LRRC72: variants seen among roughly 807,000 people sequenced by gnomAD.
LRRC72 encodes leucine rich repeat containing 72.
In LRRC72, 41 loss-of-function variants were observed where a neutral mutation model predicts 35.8. That is an observed-to-expected ratio of 1.15 (90% confidence interval 0.89 to 1.49). LRRC72 has a LOEUF of 1.49. Among genes scored for constraint, LRRC72 ranks in the 40% most tolerant of loss-of-function variants. The pLI, the probability that LRRC72 is intolerant of heterozygous loss-of-function variation, is 0.00. For synonymous variants in LRRC72, 118 were observed against 119.2 expected (o/e 0.99, Z 0.07); for missense variants, 389 against 330.7 (o/e 1.18, Z -1.37).
chr7:16,572,631 T>C (rs941730872), intron 7 of LRRC72, among the ~76,000 whole-genome samples: 10 of 152,114 alleles, frequency 6.6e-5, no homozygotes, highest in African/African-American at 2.4e-4. Flanking sequence ...CTCAATAAAC[T>C]AGGTATTGAA....
chr7:16,562,880 G>A (rs1400326664), intron 5 of LRRC72, among the ~76,000 whole-genome samples: 1 of 152,180 alleles, frequency 6.6e-6, no homozygotes, highest in Non-Finnish European at 1.5e-5. Flanking sequence ...TCGATCCTCT[G>A]CTTTATCGTA....
intron 2 of LRRC72, among the ~76,000 whole-genome samples, chr7:16,533,972 A>T (rs1782210786): frequency 6.6e-6 from 1 of 152,184 alleles, no homozygotes; most frequent in South Asian, 2.1e-4. Context: ...GAGTAGCTTT[A>T]AAATACTAGA....
At chr7:16,546,200 T>C (rs1021903797) in intron 3 of LRRC72, among the ~76,000 whole-genome samples, 2 of 152,222 alleles carry the variant, frequency 1.3e-5, no homozygotes, top group African/African-American at 4.8e-5. Context: ...ATTTCAGTAC[T>C]AAACATACAA....
In LRRC72 at chr7:16,566,397, G is replaced by C. The variant is rs535134984; in HGVS notation, c.512G>C (p.Arg171Pro). 6.5e-7 allele frequency: 1 copy of C among 1,540,212 alleles called. No individual in the cohort carries two copies. The highest frequency in any genetic ancestry group is 1.4e-5 in the African/African-American group (1 of 72,618). Residue 171 changes from arginine to proline, a missense_variant, in exon 6 of 9, where the codon CGA (arginine) becomes CCA (proline). By Grantham distance (103) the Arg-to-Pro change is moderately radical (BLOSUM62 -2). Transcript: ENST00000401542. ...CTTCCAGGAGTGGAGCTGCTTGACC[G>C]AAATCGTAAGGACCCTTCCTTCTTG... ...YHLPGVELLD[R>P]NQVTEKERRS...
chr7:16,565,969 A>G (rs1001580046), intron 5 of LRRC72, among the ~76,000 whole-genome samples: 18 of 152,234 alleles, frequency 1.2e-4, no homozygotes, highest in African/African-American at 3.1e-4. Flanking sequence ...CAAGACTCCA[A>G]TAGAGCTGAT....
chr7:16,567,867 T>C (rs1782876949), intron 7 of LRRC72, among the ~76,000 whole-genome samples: 2 of 152,110 alleles, frequency 1.3e-5, no homozygotes, highest in Non-Finnish European at 2.9e-5. Context: ...TTATTACCAC[T>C]AACATGGATG....
At chr7:16,556,807 C>T (rs527463352) in intron 3 of LRRC72, among the ~76,000 whole-genome samples, 13 of 152,306 alleles carry the variant, frequency 8.5e-5, no homozygotes, top group Admixed American at 8.5e-4. Flanking sequence ...CAAGTGAAAA[C>T]GTACTGCGGC....
chr7:16,533,876 G>A (rs918307766), intron 2 of LRRC72, among the ~76,000 whole-genome samples: 1 of 152,134 alleles, frequency 6.6e-6, no homozygotes, highest in Non-Finnish European at 1.5e-5. Context: ...TAAAATAACA[G>A]TAAATATTTC....
intron 7 of LRRC72, among the ~76,000 whole-genome samples, chr7:16,572,832 G>A (rs918974678): frequency 6.6e-6 from 1 of 152,090 alleles, no homozygotes; most frequent in African/African-American, 2.4e-5. Flanking sequence ...GAAATAAAAT[G>A]TATTCAAATA....
At chr7:16,529,272 G>A (rs1309946515) in intron 1 of LRRC72, among the ~76,000 whole-genome samples, 1 of 152,084 alleles carries the variant, frequency 6.6e-6, no homozygotes, top group Non-Finnish European at 1.5e-5. Flanking sequence ...TCTGTTTTGT[G>A]CGCTTACTCT....
Position 16,581,435 on chromosome 7 carries a change from C to G in LRRC72, c.810C>G (p.Tyr270Ter). Residue 270 changes from tyrosine to a stop codon, truncating the protein, a stop_gained, in exon 9 of 9, where the codon TAC becomes TAG. Coordinates refer to ENST00000401542, the MANE Select transcript of LRRC72 (RefSeq NM_001195280.2). LOFTEE classifies it high-confidence loss of function. The part of the protein sequence containing the change: ...WDTVPTREER[Y>*]LEEEGTETAQ... The stretch of plus-strand genomic sequence containing the variant: ...CAGTTCCAACACGAGAGGAAAGGTA[C>G]CTTGAAGAGGAAGGCACAGAAACAG... The G allele has an allele frequency of 6.5e-7, 1 of 1,550,064 alleles. No individual in the cohort carries two copies. Among genetic ancestry groups the G allele is most frequent in the South Asian group, 1.2e-5 (1 of 83,840 alleles).
chr7:16,577,608 C>T (rs751131387), intron 7 of LRRC72, among the ~76,000 whole-genome samples: 1 of 152,004 alleles, frequency 6.6e-6, no homozygotes, highest in Non-Finnish European at 1.5e-5. Context: ...AAATAAAAAG[C>T]ATCATATAGG....
chr7:16,571,060 A>T (rs1782935491), intron 7 of LRRC72, among the ~76,000 whole-genome samples: 1 of 151,942 alleles, frequency 6.6e-6, no homozygotes, highest in Non-Finnish European at 1.5e-5. Context: ...TACTTCCTTA[A>T]GGTGTCATTC....
intron 5 of LRRC72, among the ~76,000 whole-genome samples, chr7:16,565,958 T>G (rs1782831049): frequency 6.6e-6 from 1 of 152,220 alleles, no homozygotes; most frequent in South Asian, 2.1e-4. Context: ...AAAAGTAGCC[T>G]CAAGACTCCA....
At chr7:16,535,664 A>G (rs183460064) in intron 2 of LRRC72, among the ~76,000 whole-genome samples, 8 of 152,314 alleles carry the variant, frequency 5.3e-5, no homozygotes, top group Non-Finnish European at 8.8e-5. Context: ...CCTCTTAACC[A>G]AATGACTGAA....
intron 3 of LRRC72, among the ~76,000 whole-genome samples, chr7:16,554,677 A>G (rs1038374038): frequency 6.6e-6 from 1 of 152,078 alleles, no homozygotes. Context: ...GGTCCTCATG[A>G]TTTGGCTTTG....
intron 2 of LRRC72, among the ~76,000 whole-genome samples, chr7:16,535,323 A>C (rs547355329): frequency 1.3e-5 from 2 of 152,338 alleles, no homozygotes; most frequent in South Asian, 4.1e-4. Context: ...AGAATTTGAT[A>C]ATTGTTTTAA....
chr7:16,580,958 GA>G (rs528703646), intron 8 of LRRC72, among the ~76,000 whole-genome samples: 28 of 151,898 alleles, frequency 1.8e-4, no homozygotes, highest in Admixed American at 9.2e-4. Context: ...GCATAATGTA[GA>G]AAAAAACTTA....
chr7:16,560,790 G>T (rs936612282), intron 5 of LRRC72, among the ~76,000 whole-genome samples: 3 of 151,844 alleles, frequency 2.0e-5, no homozygotes, highest in Admixed American at 6.6e-5. Context: ...TGTGGATTAT[G>T]TAAATCAGAT....
Sources: allele counts gnomAD v4.1 joint callset (sites outside exome capture counted in the v4.1 genomes callset), GRCh38; gene constraint gnomAD v4.1.1; transcripts MANE v1.5; gene names NCBI Gene and HGNC (gene_info 2026-07-23, HGNC 2026-07-21).